Variants in USP15 observed in about 807,000 individuals in gnomAD.
The protein encoded by USP15 is ubiquitin specific peptidase 15, also known as ubiquitin carboxyl-terminal hydrolase 15.
Under a neutral mutation model 127.1 loss-of-function variants are expected in USP15, and 18 were observed. The ratio of observed to expected loss-of-function variants is 0.14; its 90% CI spans 0.10 to 0.21. USP15 has a LOEUF of 0.21. Among genes scored for constraint, USP15 ranks in the 10% least tolerant of loss-of-function variants. The pLI, the probability that USP15 is intolerant of heterozygous loss-of-function variation, is 1.00. For synonymous variants in USP15, 364 were observed against 393.7 expected, an observed-to-expected ratio of 0.92 and a Z score of 0.89; for missense variants, 805 against 1,159.9, an observed-to-expected ratio of 0.69 and a Z score of 4.44.
intron 2 of USP15, among the ~76,000 whole-genome samples, chr12:62,296,066 G>T (rs1044311520): frequency 1.3e-5 from 2 of 152,218 alleles, no homozygotes; most frequent in Non-Finnish European, 2.9e-5. Context: ...CTGGTTTGAA[G>T]TTGGAAGGAA....
chr12:62,338,437 T>C (rs1334279312), intron 6 of USP15, among the ~76,000 whole-genome samples: 1 of 152,216 alleles, frequency 6.6e-6, no homozygotes, highest in South Asian at 2.1e-4. Flanking sequence ...GCCTGTTCAC[T>C]CTGATGATAG....
chr12:62,342,379 T>C (rs2065672759), intron 6 of USP15, among the ~76,000 whole-genome samples: 2 of 152,186 alleles, frequency 1.3e-5, no homozygotes, highest in African/African-American at 4.8e-5. Flanking sequence ...TCAGAGGAGT[T>C]TGTTATTACC....
intron 1 of USP15, among the ~76,000 whole-genome samples, chr12:62,266,657 AG>A (rs1433965515): frequency 1.3e-5 from 2 of 152,232 alleles, no homozygotes; most frequent in African/African-American, 4.8e-5. Context: ...TAGGGAAATA[AG>A]GGGAAGATAG....
Position 62,317,072 on chromosome 12 carries a change from T to C in USP15, c.475+2156T>C, listed in dbSNP as rs2064849534. 8.5e-5 allele frequency among the ~76,000 whole-genome samples: 13 copies of C among 152,148 alleles called. 1 individual carries two copies. The South Asian group carries it at 2.7e-3, about 32-fold the overall frequency. ...AGTTTTGGGAGTAAAGAAAATTGAA[T>C]GGGAGATATTAGAATACAAAATATC... On this transcript the variant is annotated intron_variant, in intron 4 of 21. Transcript: ENST00000280377.
At chr12:62,338,144 TG>T (rs1256488005) in intron 6 of USP15, among the ~76,000 whole-genome samples, 1 of 152,230 alleles carries the variant, frequency 6.6e-6, no homozygotes, top group Non-Finnish European at 1.5e-5. Flanking sequence ...CAGCATCTTT[TG>T]TTTCCTGACT....
At chr12:62,336,876 A>G (rs552045242) in intron 6 of USP15, among the ~76,000 whole-genome samples, 4 of 152,326 alleles carry the variant, frequency 2.6e-5, no homozygotes, top group African/African-American at 9.6e-5. Context: ...ATACTACATC[A>G]AAACTTGACT....
Position 62,415,984 on chromosome 12 carries a change from T to C in USP15, c.*11609T>C, listed in dbSNP as rs1592760742. The C allele has an allele frequency of 6.6e-6, 1 of 152,322 alleles. No individual in the cohort carries two copies. Among genetic ancestry groups the C allele is most frequent in the East Asian group, 1.9e-4 (1 of 5,180 alleles). The allele number at this position is 152,322 out of a possible 1,614,324, so 9.4% of individuals were successfully genotyped here. ...CATACTCAAGTTCTAATAAACTTTC[T>C]TTAGCAAGAGAGCAAAGAGTATGGT... On this transcript the variant is annotated 3_prime_UTR_variant, in exon 22 of 22. Transcript: ENST00000280377.
At chr12:62,313,250 G>C (rs906741892) in intron 3 of USP15, among the ~76,000 whole-genome samples, 6 of 151,424 alleles carry the variant, frequency 4.0e-5, no homozygotes, top group African/African-American at 1.5e-4. Context: ...TAAGTCACCA[G>C]GTTCTTTCCA....
intron 2 of USP15, among the ~76,000 whole-genome samples, chr12:62,295,124 G>A (rs906343082): frequency 2.0e-5 from 3 of 152,060 alleles, no homozygotes; most frequent in Admixed American, 2.0e-4. Flanking sequence ...CTCAGAGAGA[G>A]AGAGACCTAG....
chr12:62,406,107 A>G lies in USP15; in HGVS notation c.*1732A>G, dbSNP rs1592750971. 1.3e-5 allele frequency: 2 copies of G among 151,900 alleles called. No individual in the cohort carries two copies. The highest frequency in any genetic ancestry group is 4.8e-5 in the African/African-American group (2 of 41,302). 9.4% of individuals were successfully genotyped at this position (151,900 alleles called of 1,614,324 possible). ...TATTTATATAGATTTCAATAAAGCTATTCAAGGCCTTATTTAGTCTTTTAT... is the reference window on the plus strand; with the variant it reads ...TATTTATATAGATTTCAATAAAGCTGTTCAAGGCCTTATTTAGTCTTTTAT... On this transcript the variant is annotated 3_prime_UTR_variant, in exon 22 of 22. Coordinates refer to ENST00000280377, the MANE Select transcript of USP15 (RefSeq NM_001252078.2).
At chr12:62,378,903 A>C (rs1373477553) in intron 8 of USP15, among the ~76,000 whole-genome samples, 1 of 152,170 alleles carries the variant, frequency 6.6e-6, no homozygotes, top group East Asian at 1.9e-4. Context: ...AAATACAGGC[A>C]AAAATATTTT....
At chr12:62,400,251 C>T (rs992387279) in intron 20 of USP15, among the ~76,000 whole-genome samples, 2 of 152,076 alleles carry the variant, frequency 1.3e-5, no homozygotes, top group East Asian at 1.9e-4. Flanking sequence ...TAATGAATCA[C>T]TTTTTGCCTT....
chr12:62,312,065 A>T (rs1344268025), intron 3 of USP15, among the ~76,000 whole-genome samples: 1 of 151,676 alleles, frequency 6.6e-6, no homozygotes, highest in Non-Finnish European at 1.5e-5. Flanking sequence ...TGTTGTATTT[A>T]TCTACTTCTC....
intron 3 of USP15, among the ~76,000 whole-genome samples, chr12:62,310,886 A>C (rs2064655855): frequency 1.3e-5 from 2 of 152,014 alleles, no homozygotes; most frequent in Admixed American, 1.3e-4. Context: ...CTTCGCTAAC[A>C]TCTGTTGTCT....
intron 1 of USP15, among the ~76,000 whole-genome samples, chr12:62,288,592 T>C (rs2063853974): frequency 6.6e-6 from 1 of 152,130 alleles, no homozygotes; most frequent in African/African-American, 2.4e-5. Flanking sequence ...ATGACTTATT[T>C]CTGTTGCCTC....
chr12:62,282,767 T>C (rs902780909), intron 1 of USP15, among the ~76,000 whole-genome samples: 21 of 152,136 alleles, frequency 1.4e-4, no homozygotes, highest in African/African-American at 4.8e-4. Context: ...AGTACCACAG[T>C]TGACAGTTAA....
At chr12:62,267,846 C>G (rs1416923290) in intron 1 of USP15, among the ~76,000 whole-genome samples, 1 of 152,082 alleles carries the variant, frequency 6.6e-6, no homozygotes, top group African/African-American at 2.4e-5. Flanking sequence ...GTTCCTTGTT[C>G]CAGGTAGAAA....
intron 2 of USP15, among the ~76,000 whole-genome samples, chr12:62,297,630 CA>C (rs2064173568): frequency 6.6e-6 from 1 of 152,174 alleles, no homozygotes; most frequent in African/African-American, 2.4e-5. Flanking sequence ...GACATATCCA[CA>C]AAAAAAGTTT....
Position 62,408,658 on chromosome 12 carries a change from C to G in USP15, c.*4283C>G, listed in dbSNP as rs490834. 1 of 152,074 alleles carries G rather than the reference C, an allele frequency of 6.6e-6. No individual in the cohort carries two copies. The highest frequency in any genetic ancestry group is 2.4e-5 in the African/African-American group (1 of 41,414). The allele number at this position is 152,074 out of a possible 1,614,324, so 9.4% of individuals were successfully genotyped here. On this transcript the variant is annotated 3_prime_UTR_variant, in exon 22 of 22. Coordinates refer to ENST00000280377, the MANE Select transcript of USP15 (RefSeq NM_001252078.2). ...TGGTATTCATTCCCAAATAATTCTT[C>G]TAAGTACCACTTGACCAGAGGATAG... is the stretch of plus-strand genomic sequence containing the variant.
Sources: gnomAD v4.1 joint callset for allele counts (sites outside exome capture counted in the v4.1 genomes callset) on GRCh38, gnomAD v4.1.1 for gene constraint, MANE v1.5 for transcripts, NCBI Gene and HGNC (gene_info 2026-07-23, HGNC 2026-07-21) for gene names.